MAGI2: variants seen among roughly 807,000 people sequenced by gnomAD.
MAGI2 encodes the protein membrane-associated guanylate kinase, WW and PDZ domain-containing protein 2.
A neutral mutation model predicts 133.3 loss-of-function variants in MAGI2; 35 were observed. That is an observed-to-expected ratio of 0.26 (90% CI 0.20 to 0.35). The LOEUF is 0.35. Among genes scored for constraint, MAGI2 ranks in the 10% least tolerant of loss-of-function variants. The probability of loss-of-function intolerance (pLI) is 1.00; values close to 1 mark genes in which losing one functional copy is unlikely to be tolerated. For synonymous variants in MAGI2, 729 were observed against 710.6 expected, an observed-to-expected ratio of 1.03 and a Z score of -0.41; for missense variants, 1,636 against 1,863.4, an observed-to-expected ratio of 0.88 and a Z score of 2.25.
At chr7:78,040,434 T>A (rs1440579628) in intron 21 of MAGI2, among the ~76,000 whole-genome samples, 1 of 152,150 alleles carries the variant, frequency 6.6e-6, no homozygotes, top group Non-Finnish European at 1.5e-5. Context: ...TCTCGCCGCG[T>A]TCTCTACCCT....
intron 1 of MAGI2, among the ~76,000 whole-genome samples, chr7:79,203,141 G>A (rs1207669899): frequency 6.6e-6 from 1 of 151,660 alleles, no homozygotes; most frequent in African/African-American, 2.4e-5. Context: ...CTAACTTCTC[G>A]ATTTCTCATC....
chr7:79,453,031 C>T lies in MAGI2; in HGVS notation c.290G>A (p.Cys97Tyr). The change falls in exon 1 of 22, where the codon TGT (cysteine) becomes TAT (tyrosine). Residue 97 changes from cysteine to tyrosine, a missense_variant. Cys to Tyr is a radical substitution (Grantham distance 194). This residue lies in a region of MAGI2 where 148 missense variants were observed against 239.0 expected (regional missense o/e 0.62). Coordinates refer to ENST00000354212, the MANE Select transcript of MAGI2 (RefSeq NM_012301.4). The part of the protein sequence containing the change: ...KHCKDPLRLK[C>Y]VKQGGIVDKD... Reference sequence around the variant, plus strand: ...GCCGCTGCTCTCACCTTGCTTGACACACTTGAGCCGGAGGGGGTCCTTGCA... The same window carrying T: ...GCCGCTGCTCTCACCTTGCTTGACATACTTGAGCCGGAGGGGGTCCTTGCA... 6.3e-7 allele frequency: 1 copy of T among 1,589,836 alleles called. No homozygotes were observed. Among genetic ancestry groups the T allele is most frequent in the Non-Finnish European group, 8.6e-7 (1 of 1,167,770 alleles).
At chr7:78,448,144 ATATTT>A (rs1788346483) in intron 6 of MAGI2, among the ~76,000 whole-genome samples, 1 of 152,016 alleles carries the variant, frequency 6.6e-6, no homozygotes, top group African/African-American at 2.4e-5. Flanking sequence ...TATATGTATC[ATATTT>A]TATTTATCTA....
intron 21 of MAGI2, among the ~76,000 whole-genome samples, chr7:78,076,397 T>A (rs1815293246): frequency 6.9e-6 from 1 of 145,260 alleles, no homozygotes; most frequent in Non-Finnish European, 1.5e-5. Context: ...TAGCAGAGGT[T>A]GCAGTGAACC....
At chr7:79,227,220 G>A (rs1429190207) in intron 1 of MAGI2, among the ~76,000 whole-genome samples, 1 of 152,046 alleles carries the variant, frequency 6.6e-6, no homozygotes, top group African/African-American at 2.4e-5. Context: ...CAAAAAAGTT[G>A]AATTGGTCAT....
chr7:79,254,960 G>A (rs1032941453), intron 1 of MAGI2, among the ~76,000 whole-genome samples: 2 of 152,122 alleles, frequency 1.3e-5, no homozygotes, highest in African/African-American at 4.8e-5. Context: ...GGATTCTCTC[G>A]CTAGTATTCT....
At chr7:78,645,748 T>C (rs1810815947) in intron 2 of MAGI2, among the ~76,000 whole-genome samples, 2 of 151,722 alleles carry the variant, frequency 1.3e-5, no homozygotes, top group Non-Finnish European at 2.9e-5. Flanking sequence ...TTTTTTTTTT[T>C]TTTTCCCCGA....
At chr7:78,539,432 A>T (rs1226129827) in intron 3 of MAGI2, among the ~76,000 whole-genome samples, 1 of 150,596 alleles carries the variant, frequency 6.6e-6, no homozygotes, top group Non-Finnish European at 1.5e-5. Context: ...TGTGTTGAGA[A>T]TTTTTGTATC....
chr7:78,603,372 A>G (rs1350714221), intron 3 of MAGI2, among the ~76,000 whole-genome samples: 1 of 152,202 alleles, frequency 6.6e-6, no homozygotes, highest in Admixed American at 6.5e-5. Flanking sequence ...GACTATCCTG[A>G]GGAAACGTTT....
chr7:78,600,464 GA>G (rs1457558871), intron 3 of MAGI2, among the ~76,000 whole-genome samples: 1 of 152,116 alleles, frequency 6.6e-6, no homozygotes, highest in African/African-American at 2.4e-5. Flanking sequence ...TTAACAGATT[GA>G]AGTAAGAAGG....
At position 78,816,338 on chromosome 7, in the gene MAGI2, C is replaced by T. The variant is rs147692991; in HGVS notation, c.419-189099G>A. On this transcript the variant is annotated intron_variant, in intron 2 of 21. Coordinates refer to ENST00000354212, the MANE Select transcript of MAGI2 (RefSeq NM_012301.4). ...AAATTCAAGGTAAAGCACCAAGTGC[C>T]GATGTAAAGCTGTAGCAAGTTACTC... 3.2e-3 allele frequency among the ~76,000 whole-genome samples: 483 copies of T among 152,162 alleles called. 1 individual carries two copies. Among genetic ancestry groups the T allele is most frequent in the African/African-American group, 0.01 (433 of 41,512 alleles).
chr7:78,971,934 G>C (rs1255274966), intron 2 of MAGI2, among the ~76,000 whole-genome samples: 1 of 151,800 alleles, frequency 6.6e-6, no homozygotes, highest in Non-Finnish European at 1.5e-5. Context: ...TGTATTCCTA[G>C]TACATTTTAA....
intron 9 of MAGI2, among the ~76,000 whole-genome samples, chr7:78,267,558 A>G (rs1304323276): frequency 1.3e-5 from 2 of 152,216 alleles, no homozygotes; most frequent in African/African-American, 2.4e-5. Context: ...AGGATTGCCA[A>G]TTAAAACTCC....
intron 2 of MAGI2, among the ~76,000 whole-genome samples, chr7:78,914,963 GA>G (rs1394149000): frequency 6.6e-6 from 1 of 152,078 alleles, no homozygotes; most frequent in Non-Finnish European, 1.5e-5. Context: ...AGAAAATACA[GA>G]AGTCATTTAT....
intron 6 of MAGI2, among the ~76,000 whole-genome samples, chr7:78,454,456 T>C (rs910710306): frequency 6.6e-6 from 1 of 152,164 alleles, no homozygotes; most frequent in Non-Finnish European, 1.5e-5. Context: ...GAAACTCTCA[T>C]TCATTGCTGG....
intron 2 of MAGI2, among the ~76,000 whole-genome samples, chr7:78,736,401 A>T (rs1457914362): frequency 6.6e-6 from 1 of 152,234 alleles, no homozygotes; most frequent in Non-Finnish European, 1.5e-5. Flanking sequence ...TTTGGAAAAC[A>T]AGGAACAGAA....
intron 2 of MAGI2, among the ~76,000 whole-genome samples, chr7:78,801,883 C>A (rs1185497929): frequency 6.6e-6 from 1 of 152,122 alleles, no homozygotes; most frequent in Non-Finnish European, 1.5e-5. Flanking sequence ...TAAACTTGTT[C>A]ATTCATTAAA....
chr7:79,293,336 T>TTCAAGAGTAC (rs1836651198), intron 1 of MAGI2, among the ~76,000 whole-genome samples: 1 of 152,008 alleles, frequency 6.6e-6, no homozygotes, highest in Non-Finnish European at 1.5e-5. Context: ...CTATTTAATT[T>TTCAAGAGTAC]TCAAGAGTAC....
chr7:79,328,005 A>G (rs2129087686), intron 1 of MAGI2, among the ~76,000 whole-genome samples: 1 of 152,282 alleles, frequency 6.6e-6, no homozygotes, highest in South Asian at 2.1e-4. Flanking sequence ...ATCATAACTT[A>G]TTTAACTGGC....
Sources: allele counts gnomAD v4.1 joint callset (sites outside exome capture counted in the v4.1 genomes callset), GRCh38; gene constraint gnomAD v4.1.1; regional missense constraint gnomAD v4.1.1; transcripts MANE v1.5; gene names NCBI Gene and HGNC (gene_info 2026-07-23, HGNC 2026-07-21).